TAFAZZIN: variants seen among roughly 807,000 people sequenced by gnomAD.
TAFAZZIN encodes protein G4.5.
In TAFAZZIN, 6 loss-of-function variants were observed where a neutral mutation model predicts 27.3. The observed-to-expected ratio is 0.22, with a 90% CI of 0.12 to 0.43. The LOEUF (loss-of-function observed/expected upper bound fraction) is 0.43, where lower values mean the gene tolerates loss of function less well. Among genes scored for constraint, TAFAZZIN ranks in the 20% least tolerant of loss-of-function variants. TAFAZZIN has a pLI of 1.00. For synonymous variants in TAFAZZIN, 79 were observed against 96.2 expected (o/e 0.82, Z 1.04); for missense variants, 127 against 244.5 (o/e 0.52, Z 3.21).
Position 154,411,770 on chromosome X carries a change from C to T in TAFAZZIN, c.-74C>T. 3.0e-6 allele frequency: 3 copies of T among 989,706 alleles called. No homozygotes were observed. The highest frequency in any genetic ancestry group is 4.1e-6 in the Non-Finnish European group (3 of 723,992). The allele number at this position is 989,706 out of a possible 1,213,427, so 81.6% of individuals were successfully genotyped here. A position where few individuals can be genotyped will look rare whatever the true frequency, so the allele number is the denominator to read the frequency against. ...GTCAGGGGCCAGTGTCTCGAGCGGTCGAGGTCGCAGACCTAGAGGCGCCCC... is the reference window on the plus strand; with the variant it reads ...GTCAGGGGCCAGTGTCTCGAGCGGTTGAGGTCGCAGACCTAGAGGCGCCCC... On this transcript the variant is annotated 5_prime_UTR_variant, in exon 1 of 11. Transcript: ENST00000601016.
Position 154,413,359 on chromosome X carries a change from G to T in TAFAZZIN, c.284+107G>T. ...CAGGAGGTGGCGTCCAGCAGTCCAG[G>T]CAGGGCATGGGGTGGGGCCCCGCAG... is the stretch of plus-strand genomic sequence containing the variant. On this transcript the variant is annotated intron_variant, in intron 3 of 10. Transcript: ENST00000601016. 5 of 1,207,728 alleles carry T rather than the reference G, an allele frequency of 4.1e-6. No homozygotes were observed. In the South Asian group the frequency reaches 7.1e-5, roughly 17 times the overall value.
rs1378989084 is a variant in TAFAZZIN at position 154,411,776 on chromosome X, C to A, written c.-68C>A. 14 of 1,031,681 alleles carry A rather than the reference C, an allele frequency of 1.4e-5. No homozygotes were observed. The highest frequency in any genetic ancestry group is 1.8e-5 in the Non-Finnish European group (14 of 761,972). The allele number at this position is 1,031,681 out of a possible 1,213,427, so 85.0% of individuals were successfully genotyped here. ...GGCCAGTGTCTCGAGCGGTCGAGGT[C>A]GCAGACCTAGAGGCGCCCCACAGGC... On this transcript the variant is annotated 5_prime_UTR_variant, in exon 1 of 11. Transcript: ENST00000601016.
In TAFAZZIN at chrX:154,421,134, C is replaced by T; in HGVS notation, c.*130C>T. 1 of 601,643 alleles carries T rather than the reference C, an allele frequency of 1.7e-6. No individual in the cohort carries two copies. Among genetic ancestry groups the T allele is most frequent in the Non-Finnish European group, 2.7e-6 (1 of 366,054 alleles). 49.6% of individuals were successfully genotyped at this position (601,643 alleles called of 1,213,427 possible). A position where few individuals can be genotyped will look rare whatever the true frequency, so the allele number is the denominator to read the frequency against. ...GACCCTCTCAAGTGCCCTCTCCGAG[C>T]TGGTAGGCATTCCAGCTCCTCCGTG... is the stretch of plus-strand genomic sequence containing the variant. On this transcript the variant is annotated 3_prime_UTR_variant, in exon 11 of 11. Transcript: ENST00000601016.
chrX:154,413,374 G>A, intron 3 of TAFAZZIN, 108 bp from the exon 4 acceptor site: 1 of 1,207,410 alleles, frequency 8.3e-7, no homozygotes, highest in Non-Finnish European at 1.1e-6. Context: ...GCATGGGGTG[G>A]GGCCCCGCAG....
intron 4 of TAFAZZIN, 100 bp downstream of exon 4, chrX:154,413,667 C>T (rs1183822154): frequency 4.5e-5 from 38 of 847,797 alleles, no homozygotes; most frequent in Non-Finnish European, 6.3e-5. Flanking sequence ...GTAGGCATCC[C>T]GGGAGCCAAC....
intron 5 of TAFAZZIN, chrX:154,418,860 C>G (rs2068551343): frequency 8.8e-6 from 1 of 113,260 alleles, no homozygotes; most frequent in South Asian, 3.6e-4. Context: ...GCTGAGGCCT[C>G]AGGCAGGTGC....
chrX:154,418,969 G>A (rs1249277079), intron 5 of TAFAZZIN: 2 of 117,253 alleles, frequency 1.7e-5, no homozygotes, highest in Non-Finnish European at 3.6e-5. Context: ...AAATGCACTT[G>A]GTTTCTCTAG....
Position 154,421,519 on chromosome X carries a change from G to A in TAFAZZIN, c.*515G>A, listed in dbSNP as rs191599737. ...GGCAAGGTCTGGCCTCAGGTGGGCC[G>A]CAGGCGGGAAAAGCAGCCCTTGGCC... is the stretch of plus-strand genomic sequence containing the variant. On this transcript the variant is annotated 3_prime_UTR_variant, in exon 11 of 11. Transcript: ENST00000601016. 128 of 329,691 alleles carry A rather than the reference G, an allele frequency of 3.9e-4. No individual in the cohort carries two copies. The highest frequency in any genetic ancestry group is 3.1e-3 in the African/African-American group (118 of 38,082). The allele number at this position is 329,691 out of a possible 1,213,427, so 27.2% of individuals were successfully genotyped here.
intron 5 of TAFAZZIN, 92 bp downstream of exon 5, chrX:154,414,282 C>G: frequency 1.4e-6 from 1 of 697,969 alleles, no homozygotes; most frequent in Non-Finnish European, 2.3e-6. Flanking sequence ...TTGAGACCAG[C>G]CTGGGCAACA....
At position 154,417,779 on chromosome X, in the gene TAFAZZIN, C is replaced by G. The variant is rs180755694; in HGVS notation, c.461-1764C>G. 6.9e-3 allele frequency among the ~76,000 whole-genome samples: 772 copies of G among 111,665 alleles called. 8 individuals carry two copies. The highest frequency in any genetic ancestry group is 0.021 in the Admixed American group (224 of 10,455). ...GTCTCTGTAAAGGAACAAGCAGAGG[C>G]CACAGTGTCTTGGCAAATGACCGTG... is the stretch of plus-strand genomic sequence containing the variant. On this transcript the variant is annotated intron_variant, in intron 5 of 10. Coordinates refer to ENST00000601016, the MANE Select transcript of TAFAZZIN (RefSeq NM_000116.5).
chrX:154,412,345 C>T, intron 2 of TAFAZZIN, 131 bp downstream of exon 2: 1 of 927,693 alleles, frequency 1.1e-6, no homozygotes, highest in Non-Finnish European at 1.5e-6. Flanking sequence ...GGCGTTCTGC[C>T]CCAGGGCTGA....
chrX:154,416,138 G>A (rs1478362945), intron 5 of TAFAZZIN, among the ~76,000 whole-genome samples: 2 of 111,322 alleles, frequency 1.8e-5, no homozygotes, highest in African/African-American at 3.3e-5. Flanking sequence ...GGTGGCTCAC[G>A]CCTGTAATCC....
intron 5 of TAFAZZIN, among the ~76,000 whole-genome samples, chrX:154,416,325 AGGC>A (rs1318589070): frequency 9.0e-6 from 1 of 110,627 alleles, no homozygotes; most frequent in African/African-American, 3.3e-5. Flanking sequence ...CAAACCCGGG[AGGC>A]GGAGCTTGAG....
At chrX:154,420,409 C>T (rs1308739735) in intron 9 of TAFAZZIN, 145 bp downstream of exon 9, 1 of 815,395 alleles carries the variant, frequency 1.2e-6, no homozygotes, top group African/African-American at 2.0e-5. Context: ...CAGGGACTTC[C>T]TGGCACCGAG....
At chrX:154,416,226 C>T (rs781890216) in intron 5 of TAFAZZIN, among the ~76,000 whole-genome samples, 2 of 111,918 alleles carry the variant, frequency 1.8e-5, no homozygotes, top group South Asian at 7.4e-4. Context: ...GATGAAACCC[C>T]GTCTCTACTA....
intron 2 of TAFAZZIN, chrX:154,412,730 G>C: frequency 5.3e-6 from 1 of 189,052 alleles, no homozygotes; most frequent in South Asian, 9.8e-5. Context: ...TGGCCGGGTG[G>C]AGGGGTGCCT....
chrX:154,420,559 A>T, intron 9 of TAFAZZIN, 99 bp from the exon 10 acceptor site: 2 of 982,008 alleles, frequency 2.0e-6, no homozygotes, highest in East Asian at 3.1e-5. Context: ...AGTGTGTGGC[A>T]CAGCAGGGCC....
chrX:154,417,046 A>G (rs940447941), intron 5 of TAFAZZIN, among the ~76,000 whole-genome samples: 2 of 109,940 alleles, frequency 1.8e-5, no homozygotes, highest in African/African-American at 3.3e-5. Context: ...GAGGCAGGAG[A>G]GTGGCGTGAA....
intron 5 of TAFAZZIN, among the ~76,000 whole-genome samples, chrX:154,416,236 A>G (rs2068487737): frequency 8.9e-6 from 1 of 111,942 alleles, no homozygotes; most frequent in Admixed American, 9.5e-5. Context: ...CGTCTCTACT[A>G]AAAACACAAA....
Sources: allele counts gnomAD v4.1 joint callset (sites outside exome capture counted in the v4.1 genomes callset), GRCh38; gene constraint gnomAD v4.1.1; transcripts MANE v1.5; gene names NCBI Gene and HGNC (gene_info 2026-07-23, HGNC 2026-07-21).